The following CAPG variants were observed in gnomAD, a reference collection of about 807,000 sequenced individuals.
CAPG encodes the protein macrophage-capping protein.
Under a neutral mutation model 44.6 loss-of-function variants are expected in CAPG, and 32 were observed. The observed-to-expected ratio is 0.72, with a 90% CI of 0.54 to 0.96. The LOEUF is 0.96. CAPG is among the 50% of genes least tolerant of loss of function. The pLI, the probability that CAPG is intolerant of heterozygous loss-of-function variation, is 0.00. For synonymous variants in CAPG, 175 were observed against 179.6 expected, an observed-to-expected ratio of 0.97 and a Z score of 0.20; for missense variants, 412 against 438.3, an observed-to-expected ratio of 0.94 and a Z score of 0.54.
intron 1 of CAPG, among the ~76,000 whole-genome samples, chr2:85,417,547 A>G (rs539068645): frequency 1.4e-4 from 19 of 139,216 alleles, no homozygotes; most frequent in Admixed American, 5.7e-4. Context: ...CAGTGGCACC[A>G]TCTCGGCTCA....
chr2:85,402,125 C>A lies in CAPG; in HGVS notation c.21G>T (p.Gln7His), dbSNP rs756745991. 9.9e-6 allele frequency: 16 copies of A among 1,608,586 alleles called. No individual in the cohort carries two copies. The African/African-American group carries it at 2.1e-4, about 21-fold the overall frequency. ...AGGAGATGGGGCATGCAGCTTACCT[C>A]TGGGGAATGGCTGTGTACATGCTGT... MYTAIP[Q>H]SGSPFPGSVQ... Residue 7 changes from glutamine (Q) to histidine (H), a missense_variant and splice_region_variant, in exon 2 of 10, where the codon CAG (glutamine) becomes CAT (histidine). Gln to His is a conservative substitution (Grantham distance 24). Coordinates refer to ENST00000263867, the MANE Select transcript of CAPG (RefSeq NM_001747.4).
upstream of CAPG, among the ~76,000 whole-genome samples, chr2:85,413,663 A>G (rs75688525): frequency 6.1e-3 from 936 of 152,300 alleles, 10 homozygotes; most frequent in African/African-American, 0.021. Flanking sequence ...AACTCAATGC[A>G]CATGCTAATG....
In CAPG at chr2:85,409,309, G is replaced by A. The variant is rs114513187; in HGVS notation, c.-14+1008C>T. On this transcript the variant is annotated intron_variant, in intron 1 of 9. Transcript: ENST00000263867. ...GGCTAGGGGTCCCAGACTGCCATGG[G>A]GCTGGGGGAGGGGAGGACGCAAGTC... 1.6e-3 allele frequency among the ~76,000 whole-genome samples: 239 copies of A among 152,310 alleles called. 1 individual carries two copies. Among genetic ancestry groups the A allele is most frequent in the African/African-American group, 5.2e-3 (218 of 41,568 alleles).
At chr2:85,414,468 C>T (rs1038782040), upstream of CAPG, among the ~76,000 whole-genome samples, 1 of 149,150 alleles carries the variant, frequency 6.7e-6, no homozygotes, top group African/African-American at 2.5e-5. Context: ...CTCACTCTGT[C>T]GCGGCACCTG....
chr2:85,394,597 TC>T (rs1194335651), downstream of CAPG, among the ~76,000 whole-genome samples: 1 of 152,226 alleles, frequency 6.6e-6, no homozygotes, highest in African/African-American at 2.4e-5. Context: ...TTCATGGCAG[TC>T]CCTGCAAGCC....
chr2:85,399,776 T>C (rs1203298633), intron 5 of CAPG, among the ~76,000 whole-genome samples: 1 of 148,434 alleles, frequency 6.7e-6, no homozygotes. Flanking sequence ...AGTTTCGCTC[T>C]TGTTGCCCAG....
intron 1 of CAPG, among the ~76,000 whole-genome samples, chr2:85,407,712 CAAA>C (rs60228110): frequency 0.041 from 3,740 of 91,178 alleles, 103 homozygotes; most frequent in African/African-American, 0.12. Context: ...GACTCTGTCT[CAAA>C]AAAAAAAAAA....
downstream of CAPG, among the ~76,000 whole-genome samples, chr2:85,392,441 T>TG (rs112353081): frequency 0.11 from 14,969 of 141,516 alleles, 824 homozygotes; most frequent in South Asian, 0.17. Flanking sequence ...AGCTGGGGAG[T>TG]GGGGGGCAGG....
At chr2:85,399,340 C>A in intron 5 of CAPG, 55 bp from the exon 6 acceptor site, 1 of 1,586,066 alleles carries the variant, frequency 6.3e-7, no homozygotes, top group South Asian at 1.1e-5. Context: ...TCCTGCTCCC[C>A]AGCTCAGAGA....
At chr2:85,402,093 T>C (rs1207640372) in intron 2 of CAPG, 30 bp downstream of exon 2, 3 of 1,610,918 alleles carry the variant, frequency 1.9e-6, no homozygotes, top group Non-Finnish European at 1.7e-6. Flanking sequence ...GAAGGGGAAG[T>C]TGTGAAAGGA....
chr2:85,416,228 G>A (rs1687549182), intron 1 of CAPG, among the ~76,000 whole-genome samples: 2 of 152,066 alleles, frequency 1.3e-5, no homozygotes, highest in African/African-American at 2.4e-5. Context: ...CCATAAACTC[G>A]GGGTATGGAC....
chr2:85,397,187 C>G (rs60889798), intron 8 of CAPG, among the ~76,000 whole-genome samples: 13,195 of 152,144 alleles, frequency 0.087, 617 homozygotes, highest in South Asian at 0.16. Context: ...CCCAGAAGCC[C>G]CAAAGGTCTA....
chr2:85,414,077 A>G, upstream of CAPG: 1 of 152,472 alleles, frequency 6.6e-6, no homozygotes, highest in Non-Finnish European at 1.5e-5. Context: ...GGTGAGTCAG[A>G]GGGAGGGGCC....
At chr2:85,408,507 C>T (rs1687277400) in intron 1 of CAPG, among the ~76,000 whole-genome samples, 2 of 152,148 alleles carry the variant, frequency 1.3e-5, no homozygotes, top group South Asian at 2.1e-4. Context: ...ATACTTTAGC[C>T]TGTTTTATAG....
intron 1 of CAPG, among the ~76,000 whole-genome samples, chr2:85,417,681 G>A (rs60433252): frequency 0.027 from 4,046 of 151,736 alleles, 64 homozygotes; most frequent in South Asian, 0.043. Flanking sequence ...ATGGGGTTTC[G>A]ACATGTTGGC....
At chr2:85,391,899 C>T (rs1686385141), downstream of CAPG, 1 of 152,368 alleles carries the variant, frequency 6.6e-6, no homozygotes, top group African/African-American at 2.4e-5. Flanking sequence ...AGAAGGTTGC[C>T]TGTGCTGCAG....
intron 7 of CAPG, 105 bp downstream of exon 7, chr2:85,398,585 A>G (rs906234186): frequency 1.1e-6 from 1 of 934,640 alleles, no homozygotes; most frequent in Non-Finnish European, 1.7e-6. Context: ...TTCCAGCCCC[A>G]CCTTCCCCCT....
chr2:85,406,462 A>G (rs1687159530), intron 1 of CAPG, among the ~76,000 whole-genome samples: 1 of 152,132 alleles, frequency 6.6e-6, no homozygotes, highest in Non-Finnish European at 1.5e-5. Flanking sequence ...CCTACCCTTG[A>G]TATCTGGTCG....
At chr2:85,411,622 T>A (rs371714429), upstream of CAPG, among the ~76,000 whole-genome samples, 3 of 152,186 alleles carry the variant, frequency 2.0e-5, no homozygotes, top group African/African-American at 7.2e-5. Context: ...AAGGTATTGG[T>A]CAGCAGGCTG....
Sources: gnomAD v4.1 joint callset for allele counts (sites outside exome capture counted in the v4.1 genomes callset) on GRCh38, gnomAD v4.1.1 for gene constraint, MANE v1.5 for transcripts, NCBI Gene and HGNC (gene_info 2026-07-23, HGNC 2026-07-21) for gene names.